CTBP2: variants seen among roughly 807,000 people sequenced by gnomAD.
CTBP2 encodes the protein C-terminal-binding protein 2.
In CTBP2, 30 loss-of-function variants were observed where a neutral mutation model predicts 80.3. The observed-to-expected ratio is 0.37, with a 90% CI of 0.28 to 0.51. The LOEUF is 0.51. Among genes scored for constraint, CTBP2 ranks in the 20% least tolerant of loss-of-function variants. The probability of loss-of-function intolerance (pLI) is 0.93; values close to 1 mark genes in which losing one functional copy is unlikely to be tolerated. For missense variants in CTBP2, 1,212 were observed against 1,375.3 expected (o/e 0.88, Z 1.88); for synonymous variants, 594 against 587.4 (o/e 1.01, Z -0.16).
chr10:125,125,480 A>C (rs1219377125), intron 1 of CTBP2, among the ~76,000 whole-genome samples: 1 of 152,202 alleles, frequency 6.6e-6, no homozygotes. Context: ...TGTCTTAGTA[A>C]GGAGGTACTA....
At chr10:125,079,649 A>C (rs935941753) in intron 2 of CTBP2, among the ~76,000 whole-genome samples, 2 of 152,222 alleles carry the variant, frequency 1.3e-5, no homozygotes, top group African/African-American at 4.8e-5. Flanking sequence ...TTCTCCTGTA[A>C]TGTCCCAATA....
At chr10:125,003,591 G>T in intron 1 of CTBP2, 99 bp from the exon 4 acceptor site, 1 of 984,636 alleles carries the variant, frequency 1.0e-6, no homozygotes, top group Non-Finnish European at 1.4e-6. Context: ...CAGGGCTTGG[G>T]CAAGCGAGGG....
chr10:125,076,638 C>T (rs560284530), intron 2 of CTBP2, among the ~76,000 whole-genome samples: 8 of 152,328 alleles, frequency 5.3e-5, no homozygotes, highest in East Asian at 3.9e-4. Context: ...CTCCTGCCAC[C>T]GACCTGACGT....
rs187467514 is a variant in CTBP2 at position 125,144,368 on chromosome 10, T to C, written c.-206+15951A>G. On this transcript the variant is annotated intron_variant, in intron 1 of 10. Transcript: ENST00000337195. ...ATTAATTAACTGTGAGCCCAGCCTA[T>C]GCGGCTTGCCAATTCCTCAAGTGGG... Among the ~76,000 whole-genome samples, 193 of 152,332 alleles carry C rather than the reference T, an allele frequency of 1.3e-3. 1 individual carries two copies. Among genetic ancestry groups the C allele is most frequent in the Admixed American group, 0.011 (161 of 15,298 alleles).
chr10:125,149,854 C>G (rs1334264364), intron 1 of CTBP2, among the ~76,000 whole-genome samples: 2 of 152,238 alleles, frequency 1.3e-5, no homozygotes, highest in African/African-American at 4.8e-5. Context: ...ACACACCCAA[C>G]TCTGTGCCAT....
At chr10:125,136,844 T>G (rs948020418) in intron 1 of CTBP2, among the ~76,000 whole-genome samples, 1 of 152,160 alleles carries the variant, frequency 6.6e-6, no homozygotes, top group Non-Finnish European at 1.5e-5. Flanking sequence ...GGCAGAGACG[T>G]AAAACATTCT....
chr10:125,038,728 G>A (rs758971613), intron 3 of CTBP2, among the ~76,000 whole-genome samples: 1 of 152,144 alleles, frequency 6.6e-6, no homozygotes, highest in Non-Finnish European at 1.5e-5. Flanking sequence ...ATAACCTTAG[G>A]TACATGGAAG....
intron 2 of CTBP2, among the ~76,000 whole-genome samples, chr10:125,103,520 GCACTA>G (rs1850962789): frequency 6.6e-6 from 1 of 152,164 alleles, no homozygotes; most frequent in South Asian, 2.1e-4. Flanking sequence ...CTTGGCTGCT[GCACTA>G]AGAGGGACTG....
chr10:125,117,436 C>T (rs1853527312), intron 1 of CTBP2, among the ~76,000 whole-genome samples: 1 of 152,162 alleles, frequency 6.6e-6, no homozygotes, highest in Non-Finnish European at 1.5e-5. Context: ...GCTACCATGA[C>T]AGCACAGCTC....
rs543392782 is a variant in CTBP2, at chr10:125,094,867, T to G, written c.-102+16123A>C. On this transcript the variant is annotated intron_variant, in intron 2 of 10. Transcript: ENST00000337195. ...GCTGGGGCTGATTACCGGCAATTTTTTTTTTTTTTTTAACCAACATAGGAC... is the reference window on the plus strand; with the variant it reads ...GCTGGGGCTGATTACCGGCAATTTTGTTTTTTTTTTTAACCAACATAGGAC... Among the ~76,000 whole-genome samples the G allele has an allele frequency of 1.3e-3, 197 of 152,158 alleles. 1 individual carries two copies. Among genetic ancestry groups the G allele is most frequent in the African/African-American group, 4.4e-3 (183 of 41,512 alleles).
chr10:125,102,643 A>C (rs1402072191), intron 2 of CTBP2, among the ~76,000 whole-genome samples: 4 of 152,236 alleles, frequency 2.6e-5, no homozygotes, highest in African/African-American at 9.6e-5. Flanking sequence ...GTTTCAATTG[A>C]ATTACAAAAA....
In CTBP2 at chr10:125,027,705, C is replaced by T. The variant is rs757079965; in HGVS notation, c.55G>A (p.Ala19Thr). The stretch of plus-strand genomic sequence containing the variant: ...TCCCAGGGGCCCTCGTACCACCCAG[C>T]AGCATCCCAGCTCTGAGAACGACCA... The change falls in exon 1 of 9, where the codon GCT becomes ACT. Residue 19 changes from alanine to threonine, a missense_variant. Ala to Thr is a moderately conservative substitution (Grantham distance 58). This residue lies in a region of CTBP2 where 848 missense variants were observed against 782.3 expected (regional missense o/e 1.08). Coordinates refer to ENST00000309035, the MANE Select transcript of CTBP2 (RefSeq NM_022802.3). 7 of 1,613,078 alleles carry T rather than the reference C, an allele frequency of 4.3e-6. No homozygotes were observed. Among genetic ancestry groups the T allele is most frequent in the Non-Finnish European group, 5.1e-6 (6 of 1,179,584 alleles).
intron 2 of CTBP2, among the ~76,000 whole-genome samples, chr10:125,058,353 G>A (rs1025588839): frequency 1.3e-5 from 2 of 152,122 alleles, no homozygotes; most frequent in East Asian, 1.9e-4. Flanking sequence ...CCTGGGCACC[G>A]TCCCATAAAG....
intron 1 of CTBP2, among the ~76,000 whole-genome samples, chr10:125,149,487 G>T (rs1859422907): frequency 6.6e-6 from 1 of 152,190 alleles, no homozygotes; most frequent in South Asian, 2.1e-4. Flanking sequence ...GATTTGTCAA[G>T]AGACTCCTCC....
chr10:125,131,581 G>T (rs977047950), intron 1 of CTBP2, among the ~76,000 whole-genome samples: 10 of 152,136 alleles, frequency 6.6e-5, no homozygotes, highest in Non-Finnish European at 1.0e-4. Context: ...GCGGCGGGTT[G>T]GAACTACCCA....
chr10:125,027,519 C>T lies in CTBP2; in HGVS notation c.241G>A (p.Ala81Thr), dbSNP rs1200805021. ...AAGTCAGGAGTAGACCCCTTTCTTGCAGCCACTGAGTTATAAACGGCCTCC... is the reference window on the plus strand; with the variant it reads ...AAGTCAGGAGTAGACCCCTTTCTTGTAGCCACTGAGTTATAAACGGCCTCC... Residue 81 changes from alanine (A) to threonine (T), a missense_variant, in exon 1 of 9, where the codon GCA becomes ACA. Physicochemically the swap from Ala to Thr is moderately conservative, Grantham distance 58. This residue lies in a region of CTBP2 where 848 missense variants were observed against 782.3 expected (regional missense o/e 1.08). Transcript: ENST00000309035. 20 of 1,614,010 alleles carry T rather than the reference C, an allele frequency of 1.2e-5. No homozygotes were observed. In the Middle Eastern group the frequency reaches 6.6e-4, roughly 53 times the overall value.
intron 2 of CTBP2, among the ~76,000 whole-genome samples, chr10:125,061,973 GAC>G (rs548307705): frequency 2.2e-3 from 342 of 152,332 alleles, no homozygotes; most frequent in African/African-American, 7.6e-3. Flanking sequence ...ACGGGCCAAA[GAC>G]ACAGCTGGGG....
intron 1 of CTBP2, among the ~76,000 whole-genome samples, chr10:125,149,247 C>G (rs1224122233): frequency 6.6e-6 from 1 of 152,212 alleles, no homozygotes; most frequent in Non-Finnish European, 1.5e-5. Flanking sequence ...TTAGATGCCA[C>G]TTTCCAAGCA....
intron 2 of CTBP2, among the ~76,000 whole-genome samples, chr10:125,090,188 CTCACACCTATAAT>C (rs982373803): frequency 6.6e-6 from 1 of 150,602 alleles, no homozygotes. Flanking sequence ...GACACGGTGG[CTCACACCTATAAT>C]CCCAGTACTT....
Sources: gnomAD v4.1 joint callset for allele counts (sites outside exome capture counted in the v4.1 genomes callset) on GRCh38, gnomAD v4.1.1 for gene constraint, gnomAD v4.1.1 regional missense constraint, MANE v1.5 for transcripts, NCBI Gene and HGNC (gene_info 2026-07-23, HGNC 2026-07-21) for gene names.